The following RYR3 variants were observed in gnomAD, a reference collection of about 807,000 sequenced individuals.
The protein encoded by RYR3 is brain ryanodine receptor-calcium release channel.
RYR3 carries 207 observed loss-of-function variants against 584.3 expected under a neutral mutation model. The observed-to-expected ratio is 0.35, with a 90% CI of 0.32 to 0.40. The LOEUF (loss-of-function observed/expected upper bound fraction) is 0.40. Ranked by LOEUF, RYR3 falls within the 10% of genes least tolerant of loss-of-function variation. The pLI is 1.00. For synonymous variants in RYR3, 2,416 were observed against 2,248.5 expected, an observed-to-expected ratio of 1.07 and a Z score of -2.11; for missense variants, 5,616 against 6,089.2, an observed-to-expected ratio of 0.92 and a Z score of 2.59.
chr15:33,651,615 T>G (rs2152687132), intron 31 of RYR3, among the ~76,000 whole-genome samples: 1 of 152,274 alleles, frequency 6.6e-6, no homozygotes, highest in Admixed American at 6.5e-5. Context: ...GAAGCAACTC[T>G]CAGAGTTTAC....
rs1351253601 is a variant in RYR3 at position 33,311,400 on chromosome 15, A to T, written c.51+304A>T. Among the ~76,000 whole-genome samples the T allele has an allele frequency of 6.6e-6, 1 of 152,188 alleles. No homozygotes were observed. The highest frequency in any genetic ancestry group is 1.9e-4 in the East Asian group (1 of 5,180). The stretch of plus-strand genomic sequence containing the variant: ...CTTGGTCTGAAACCCTTGATGCCCA[A>T]ACTTCAGCCGGGGTTTGTTCGCGGT... On this transcript the variant is annotated intron_variant, in intron 1 of 103. Coordinates refer to ENST00000634891, the MANE Select transcript of RYR3 (RefSeq NM_001036.6). This position sits in a 1 kb window ranked among gnomAD's most constrained non-coding sequence, Gnocchi z 4.4.
At chr15:33,807,755 G>T in intron 70 of RYR3, 186 bp downstream of exon 70, 1 of 628,858 alleles carries the variant, frequency 1.6e-6, no homozygotes, top group South Asian at 2.0e-5. Flanking sequence ...ACCCACCCTT[G>T]GAATGGGGAA....
At chr15:33,507,896 G>A (rs1044377669) in intron 3 of RYR3, among the ~76,000 whole-genome samples, 1 of 152,158 alleles carries the variant, frequency 6.6e-6, no homozygotes, top group African/African-American at 2.4e-5. Context: ...CTACCTGTGA[G>A]TTTGAAAATA....
In RYR3 at chr15:33,695,718, C is replaced by T. The variant is rs542922955; in HGVS notation, c.5861-500C>T. ...GGATATTCTTTTATTGTTATATAGC[C>T]GGTTTATTTGTCTTTTGATGATATA... On this transcript the variant is annotated intron_variant, in intron 38 of 103. Coordinates refer to ENST00000634891, the MANE Select transcript of RYR3 (RefSeq NM_001036.6). 9.9e-5 allele frequency among the ~76,000 whole-genome samples: 15 copies of T among 152,010 alleles called. No individual in the cohort carries two copies. The South Asian group carries it at 2.9e-3, about 29-fold the overall frequency.
chr15:33,789,741 C>G (rs2075026555), intron 67 of RYR3, among the ~76,000 whole-genome samples: 1 of 118,490 alleles, frequency 8.4e-6, no homozygotes, highest in South Asian at 3.2e-4. Flanking sequence ...GTGGCGCAAT[C>G]TCGGCTCACT....
Position 33,800,951 on chromosome 15 carries a change from C to T in RYR3, c.9918+94C>T, listed in dbSNP as rs35091972. 3,199 of 916,492 alleles carry T rather than the reference C, an allele frequency of 3.5e-3. 11 individuals are homozygous for T. Among genetic ancestry groups the T allele is most frequent in the Non-Finnish European group, 5.1e-3 (2,866 of 557,362 alleles). 56.8% of individuals were successfully genotyped at this position (916,492 alleles called of 1,614,324 possible). ...GAAAAAAAGCCAACAGTAAAATATT[C>T]GAAGAAATGTATTCTGAGCCACATG... On this transcript the variant is annotated intron_variant, in intron 68 of 103. Transcript: ENST00000634891.
intron 1 of RYR3, among the ~76,000 whole-genome samples, chr15:33,329,086 A>G (rs903898856): frequency 2.0e-5 from 3 of 152,162 alleles, no homozygotes; most frequent in African/African-American, 7.2e-5. Context: ...GTAGTTGTCT[A>G]TCAAGTCTGG....
At chr15:33,348,529 G>A (rs1282673311) in intron 1 of RYR3, among the ~76,000 whole-genome samples, 1 of 152,160 alleles carries the variant, frequency 6.6e-6, no homozygotes, top group African/African-American at 2.4e-5. Flanking sequence ...AGGCTGGAGT[G>A]CAATGGCATG....
chr15:33,652,107 A>G (rs2152688027), intron 31 of RYR3, among the ~76,000 whole-genome samples: 1 of 152,274 alleles, frequency 6.6e-6, no homozygotes, highest in African/African-American at 2.4e-5. Context: ...CAAGGCACCT[A>G]AGCTGATGGT....
intron 99 of RYR3, chr15:33,858,190 G>C (rs1055886941): frequency 2.6e-6 from 1 of 380,602 alleles, no homozygotes; most frequent in African/African-American, 2.0e-5. Context: ...ATCTATTTCC[G>C]GGGTAAAGAT....
chr15:33,586,606 A>AAGC (rs1301774184), intron 16 of RYR3, among the ~76,000 whole-genome samples: 1 of 152,226 alleles, frequency 6.6e-6, no homozygotes, highest in Non-Finnish European at 1.5e-5. Flanking sequence ...GTGCGTGTGC[A>AAGC]AGCAGAACTG....
chr15:33,773,305 C>G (rs2073743057), intron 63 of RYR3, among the ~76,000 whole-genome samples: 1 of 152,158 alleles, frequency 6.6e-6, no homozygotes, highest in Admixed American at 6.5e-5. Context: ...ATGATAAGCC[C>G]CACAAAGGAA....
intron 2 of RYR3, among the ~76,000 whole-genome samples, chr15:33,490,026 T>C (rs2050836901): frequency 1.3e-5 from 2 of 152,212 alleles, no homozygotes; most frequent in South Asian, 4.1e-4. Context: ...AACTTTTTTA[T>C]TCTTAACTTC....
At chr15:33,644,549 C>T (rs1231856486) in intron 28 of RYR3, 30 bp downstream of exon 28, 5 of 1,570,970 alleles carry the variant, frequency 3.2e-6, no homozygotes, top group Non-Finnish European at 3.5e-6. Flanking sequence ...GTGGCCCTGG[C>T]AGGTCAGGTG....
chr15:33,556,892 C>T (rs2057103304), intron 10 of RYR3, among the ~76,000 whole-genome samples: 1 of 152,018 alleles, frequency 6.6e-6, no homozygotes, highest in South Asian at 2.1e-4. Context: ...GAATATAGAC[C>T]ATACCACCTT....
At chr15:33,393,733 C>T (rs1023645658) in intron 1 of RYR3, among the ~76,000 whole-genome samples, 5 of 152,152 alleles carry the variant, frequency 3.3e-5, no homozygotes, top group African/African-American at 4.8e-5. Context: ...TGGATGCTGG[C>T]GCAGGATGAC....
At position 33,859,654 on chromosome 15, in the gene RYR3, C is replaced by T; in HGVS notation, c.14222C>T (p.Pro4741Leu). 1.2e-6 allele frequency: 2 copies of T among 1,613,956 alleles called. No individual in the cohort carries two copies. Among genetic ancestry groups the T allele is most frequent in the Non-Finnish European group, 1.7e-6 (2 of 1,179,866 alleles). ...GAAATTGAAGACCCTGCTGGTGATC[C>T]TTATGAAATGTATCGCATTGTCTTT... is the stretch of plus-strand genomic sequence containing the variant. ...GDEIEDPAGD[P>L]YEMYRIVFDI... is the part of the protein sequence containing the mutation. The change falls in exon 100 of 104, where the codon CCT becomes CTT. Residue 4741 changes from proline to leucine, a missense_variant. Coordinates refer to ENST00000634891, the MANE Select transcript of RYR3 (RefSeq NM_001036.6).
intron 1 of RYR3, among the ~76,000 whole-genome samples, chr15:33,429,586 T>C (rs183135472): frequency 6.6e-6 from 1 of 152,350 alleles, no homozygotes; most frequent in East Asian, 1.9e-4. Context: ...TGTGCTCTAA[T>C]GAATCTCTTA....
intron 19 of RYR3, among the ~76,000 whole-genome samples, chr15:33,616,747 T>C (rs1348887210): frequency 1.3e-5 from 2 of 152,302 alleles, no homozygotes; most frequent in African/African-American, 4.8e-5. Flanking sequence ...GCTTCCTGTC[T>C]CTCAGGAAAC....
Sources: gnomAD v4.1 joint callset for allele counts (sites outside exome capture counted in the v4.1 genomes callset) on GRCh38, gnomAD v4.1.1 for gene constraint, Gnocchi (gnomAD v3.1) non-coding constraint, MANE v1.5 for transcripts, NCBI Gene and HGNC (gene_info 2026-07-23, HGNC 2026-07-21) for gene names.